The following SCAPER variants were observed in gnomAD, a reference collection of about 807,000 sequenced individuals.
The protein encoded by SCAPER is S-phase cyclin A associated protein in the ER.
In SCAPER, 98 loss-of-function variants were observed where a neutral mutation model predicts 182.2. That is an observed-to-expected ratio of 0.54 (90% CI 0.46 to 0.64). The LOEUF (loss-of-function observed/expected upper bound fraction) is 0.64. Among genes scored for constraint, SCAPER ranks in the 30% least tolerant of loss-of-function variants. SCAPER has a pLI of 0.00. For synonymous variants in SCAPER, 605 were observed against 564.6 expected, an observed-to-expected ratio of 1.07 and a Z score of -1.01; for missense variants, 1,432 against 1,690.0, an observed-to-expected ratio of 0.85 and a Z score of 2.68.
At chr15:76,637,318 A>C (rs910954674) in intron 21 of SCAPER, among the ~76,000 whole-genome samples, 2 of 152,160 alleles carry the variant, frequency 1.3e-5, no homozygotes, top group African/African-American at 4.8e-5. Flanking sequence ...TTTTTGAGGA[A>C]CTGCCAAACT....
intron 25 of SCAPER, among the ~76,000 whole-genome samples, chr15:76,466,301 A>C (rs2049610783): frequency 1.3e-5 from 2 of 151,246 alleles, no homozygotes; most frequent in Non-Finnish European, 2.9e-5. Context: ...AATGTCAAAT[A>C]ACTTGTCTTG....
At chr15:76,866,729 T>C (rs1599180188) in intron 2 of SCAPER, among the ~76,000 whole-genome samples, 1 of 152,198 alleles carries the variant, frequency 6.6e-6, no homozygotes, top group Non-Finnish European at 1.5e-5. Context: ...ATGTCAGTAG[T>C]AATGTAAATA....
chr15:76,591,766 T>C (rs953909591), intron 22 of SCAPER, among the ~76,000 whole-genome samples: 2 of 152,178 alleles, frequency 1.3e-5, no homozygotes, highest in African/African-American at 2.4e-5. Context: ...CAAAGAAAGA[T>C]TAAAAATATA....
At chr15:76,537,918 C>T (rs1165406467) in intron 23 of SCAPER, among the ~76,000 whole-genome samples, 3 of 151,990 alleles carry the variant, frequency 2.0e-5, no homozygotes, top group Non-Finnish European at 4.4e-5. Context: ...TATGAACAGA[C>T]ACTTCTCAAA....
chr15:76,352,817 T>C (rs1371249778), intron 30 of SCAPER, among the ~76,000 whole-genome samples: 1 of 152,202 alleles, frequency 6.6e-6, no homozygotes, highest in African/African-American at 2.4e-5. Flanking sequence ...TAAGTGTTGA[T>C]ATGATGTTAT....
At chr15:76,360,595 A>G (rs377450714) in intron 29 of SCAPER, among the ~76,000 whole-genome samples, 6 of 152,256 alleles carry the variant, frequency 3.9e-5, no homozygotes, top group Admixed American at 6.5e-5. Flanking sequence ...AGCTTCTTGC[A>G]TGGCTCTGCC....
intron 11 of SCAPER, 22 bp downstream of exon 11, chr15:76,766,896 G>T: frequency 6.4e-7 from 1 of 1,574,642 alleles, no homozygotes; most frequent in Non-Finnish European, 8.6e-7. Context: ...GAATAGTTAT[G>T]TTAAAAAGTC....
chr15:76,678,495 T>C (rs1247551891), intron 20 of SCAPER, among the ~76,000 whole-genome samples: 1 of 152,004 alleles, frequency 6.6e-6, no homozygotes, highest in Non-Finnish European at 1.5e-5. Context: ...ATAAGATAAA[T>C]AGGAAGCATT....
At chr15:76,358,787 C>T (rs2041186009) in intron 29 of SCAPER, among the ~76,000 whole-genome samples, 1 of 152,222 alleles carries the variant, frequency 6.6e-6, no homozygotes, top group African/African-American at 2.4e-5. Context: ...TCATCAACCT[C>T]AGCCGGAATT....
intron 23 of SCAPER, among the ~76,000 whole-genome samples, chr15:76,534,184 A>G (rs781280689): frequency 6.6e-6 from 1 of 152,218 alleles, no homozygotes; most frequent in Non-Finnish European, 1.5e-5. Flanking sequence ...ACAATGTGAT[A>G]AACACCGTCT....
At chr15:76,577,438 C>A (rs141272171) in intron 22 of SCAPER, among the ~76,000 whole-genome samples, 1 of 151,994 alleles carries the variant, frequency 6.6e-6, no homozygotes, top group Non-Finnish European at 1.5e-5. Context: ...AAAAGCAATA[C>A]CCTGTTTCAA....
At position 76,436,333 on chromosome 15, in the gene SCAPER, GCT is replaced by G. The variant is rs570176682; in HGVS notation, c.3079-2025_3079-2024del. On this transcript the variant is annotated intron_variant, in intron 25 of 31. Transcript: ENST00000563290. ...TCTGTCCACCTTGGCCTCCCCAAGT[GCT>G]GAGACTGCAGGTGTGAGCCACTGCA... Among the ~76,000 whole-genome samples, 121 of 152,304 alleles carry G rather than the reference GCT, an allele frequency of 7.9e-4. 2 individuals carry two copies. The East Asian group carries it at 0.022, about 28-fold the overall frequency.
At chr15:76,613,234 A>C (rs1370072390) in intron 22 of SCAPER, among the ~76,000 whole-genome samples, 1 of 152,228 alleles carries the variant, frequency 6.6e-6, no homozygotes, top group Admixed American at 6.5e-5. Context: ...GAAGACTGAA[A>C]CTGGACCTTT....
At chr15:76,376,362 GC>G (rs1256306543) in intron 28 of SCAPER, 51 bp from the exon 29 acceptor site, 4 of 1,535,478 alleles carry the variant, frequency 2.6e-6, no homozygotes, top group Non-Finnish European at 3.5e-6. Context: ...GAGAGCCAGG[GC>G]TGCAAATCAC....
chr15:76,903,326 T>C (rs1203087951), intron 1 of SCAPER, among the ~76,000 whole-genome samples: 1 of 152,242 alleles, frequency 6.6e-6, no homozygotes, highest in Non-Finnish European at 1.5e-5. Context: ...TTATTTGACC[T>C]GAACAACCAA....
At position 76,723,637 on chromosome 15, in the gene SCAPER, T is replaced by G. The variant is rs572456882; in HGVS notation, c.2165+4958A>C. Among the ~76,000 whole-genome samples the G allele has an allele frequency of 1.4e-4, 21 of 152,376 alleles. No homozygotes were observed. In the East Asian group the frequency reaches 3.1e-3, roughly 22 times the overall value. ...CTCCTGTATTGGGTGCATGTATATTTAGGATAGTTAGTTCTTGTTGAATTG... is the reference window on the plus strand; with the variant it reads ...CTCCTGTATTGGGTGCATGTATATTGAGGATAGTTAGTTCTTGTTGAATTG... On this transcript the variant is annotated intron_variant, in intron 17 of 31. Coordinates refer to ENST00000563290, the MANE Select transcript of SCAPER (RefSeq NM_020843.4).
In SCAPER at chr15:76,694,785, T is replaced by C. The variant is rs75317534; in HGVS notation, c.2508+6973A>G. On this transcript the variant is annotated intron_variant, in intron 20 of 31. Coordinates refer to ENST00000563290, the MANE Select transcript of SCAPER (RefSeq NM_020843.4). ...ATCTTAAGAAAGAAAAATCATAAGA[T>C]ATTTTAACAACAAATTTAACTATGT... Among the ~76,000 whole-genome samples the C allele has an allele frequency of 2.7e-3, 409 of 152,282 alleles. 1 individual carries two copies. The highest frequency in any genetic ancestry group is 9.5e-3 in the African/African-American group (396 of 41,576).
intron 23 of SCAPER, among the ~76,000 whole-genome samples, chr15:76,566,167 T>C (rs2047020313): frequency 6.6e-6 from 1 of 152,162 alleles, no homozygotes; most frequent in African/African-American, 2.4e-5. Context: ...TGTTACATAG[T>C]CACAACAGTT....
chr15:76,720,692 C>T (rs183488206), intron 17 of SCAPER, among the ~76,000 whole-genome samples: 3 of 152,180 alleles, frequency 2.0e-5, no homozygotes, highest in Non-Finnish European at 4.4e-5. Flanking sequence ...ATGATGAGCA[C>T]TTTTTCATGT....
Sources: gnomAD v4.1 joint callset for allele counts (sites outside exome capture counted in the v4.1 genomes callset) on GRCh38, gnomAD v4.1.1 for gene constraint, MANE v1.5 for transcripts, NCBI Gene and HGNC (gene_info 2026-07-23, HGNC 2026-07-21) for gene names.